The following SMAD5 variants were observed in gnomAD, a reference collection of about 807,000 sequenced individuals.
SMAD5 encodes the protein MAD, mothers against decapentaplegic homolog 5.
SMAD5 carries 9 observed loss-of-function variants against 43.1 expected under a neutral mutation model. That is an observed-to-expected ratio of 0.21 (90% confidence interval 0.13 to 0.36). SMAD5 has a LOEUF of 0.36. Among genes scored for constraint, SMAD5 ranks in the 10% least tolerant of loss-of-function variants. SMAD5 has a pLI of 1.00. For synonymous variants in SMAD5, 190 were observed against 192.4 expected (o/e 0.99, Z 0.10); for missense variants, 348 against 574.0 (o/e 0.61, Z 4.02).
chr5:136,151,521 G>A (rs370666083), intron 2 of SMAD5, among the ~76,000 whole-genome samples: 32 of 152,160 alleles, frequency 2.1e-4, no homozygotes, highest in Non-Finnish European at 4.1e-4. Context: ...AGTTAAGTGT[G>A]GTTAAATGCA....
intron 1 of SMAD5, chr5:136,134,131 A>T (rs1752791821): frequency 2.1e-5 from 3 of 143,366 alleles, no homozygotes. Flanking sequence ...TGTTTACCTT[A>T]TCTTTCTGTG....
intron 5 of SMAD5, among the ~76,000 whole-genome samples, chr5:136,163,994 C>T (rs1753912508): frequency 6.6e-6 from 1 of 152,070 alleles, no homozygotes; most frequent in African/African-American, 2.4e-5. Context: ...CCCAGCCTGG[C>T]CAATATGGTG....
At chr5:136,136,912 G>C (rs1752899771) in intron 1 of SMAD5, among the ~76,000 whole-genome samples, 1 of 152,064 alleles carries the variant, frequency 6.6e-6, no homozygotes, top group South Asian at 2.1e-4. Flanking sequence ...GGCCAGGCTG[G>C]TCTCGAACTT....
chr5:136,153,521 G>A (rs992122701), intron 2 of SMAD5, 71 bp from the exon 3 acceptor site: 24 of 346,294 alleles, frequency 6.9e-5, no homozygotes, highest in Non-Finnish European at 1.1e-4. Flanking sequence ...TATGCCTTTC[G>A]ATTATATTAA....
intron 7 of SMAD5, among the ~76,000 whole-genome samples, chr5:136,175,406 C>T (rs1234834736): frequency 1.3e-5 from 2 of 152,138 alleles, no homozygotes; most frequent in South Asian, 2.1e-4. Flanking sequence ...AAAATTATTT[C>T]ATTCCTAGCT....
At chr5:136,150,381 C>A (rs935153389) in intron 2 of SMAD5, among the ~76,000 whole-genome samples, 2 of 151,698 alleles carry the variant, frequency 1.3e-5, no homozygotes, top group Non-Finnish European at 2.9e-5. Context: ...TTTCAAGGTA[C>A]AGTTAGTAGA....
intron 3 of SMAD5, among the ~76,000 whole-genome samples, chr5:136,160,490 T>C (rs1229029179): frequency 6.6e-6 from 1 of 152,184 alleles, no homozygotes; most frequent in Non-Finnish European, 1.5e-5. Flanking sequence ...GGTATGTTTT[T>C]TTCTTACAGT....
In SMAD5 at chr5:136,153,686, C is replaced by G; in HGVS notation, c.-75C>G. 1 of 1,250,562 alleles carries G rather than the reference C, an allele frequency of 8.0e-7. No homozygotes were observed. The highest frequency in any genetic ancestry group is 1.1e-6 in the Non-Finnish European group (1 of 891,366). 77.5% of individuals were successfully genotyped at this position (1,250,562 alleles called of 1,614,324 possible). ...ACTTCTGCTTAGGACCTGTGTATGA[C>G]GTTTCACCTGTGATCTGTTCTTTCG... On this transcript the variant is annotated 5_prime_UTR_variant, in exon 3 of 8. Transcript: ENST00000545279.
At chr5:136,176,088 A>G (rs1342035777) in intron 7 of SMAD5, among the ~76,000 whole-genome samples, 1 of 152,142 alleles carries the variant, frequency 6.6e-6, no homozygotes, top group East Asian at 1.9e-4. Flanking sequence ...TTATACATGC[A>G]TGTATTGATC....
chr5:136,158,170 A>C (rs1218982858), intron 3 of SMAD5, among the ~76,000 whole-genome samples: 3 of 152,114 alleles, frequency 2.0e-5, no homozygotes, highest in Non-Finnish European at 4.4e-5. Context: ...AATATCAAAC[A>C]CTTCCCCAAA....
At position 136,155,196 on chromosome 5, in the gene SMAD5, G is replaced by A. The variant is rs115146472; in HGVS notation, c.403+1033G>A. Among the ~76,000 whole-genome samples, 1,407 of 152,142 alleles carry A rather than the reference G, an allele frequency of 9.2e-3. 12 individuals carry two copies. Among genetic ancestry groups the A allele is most frequent in the African/African-American group, 0.025 (1,035 of 41,494 alleles). ...CATACCAAATGTAATATGTCTAAGC[G>A]CAGTTTTTTTTCTCTGGTTTCCCCT... is the stretch of plus-strand genomic sequence containing the variant. On this transcript the variant is annotated intron_variant, in intron 3 of 7. Coordinates refer to ENST00000545279, the MANE Select transcript of SMAD5 (RefSeq NM_005903.7).
chr5:136,154,770 C>T (rs929177862), intron 3 of SMAD5, among the ~76,000 whole-genome samples: 10 of 152,078 alleles, frequency 6.6e-5, no homozygotes, highest in African/African-American at 1.9e-4. Context: ...TTTAACTTGT[C>T]GAGATCACTA....
intron 1 of SMAD5, among the ~76,000 whole-genome samples, chr5:136,145,513 A>G (rs975447264): frequency 2.6e-5 from 4 of 151,884 alleles, no homozygotes; most frequent in African/African-American, 9.7e-5. Flanking sequence ...ATAAGAAAGC[A>G]TTATGCCATT....
At chr5:136,161,644 A>T (rs1446293416) in intron 4 of SMAD5, among the ~76,000 whole-genome samples, 11 of 152,238 alleles carry the variant, frequency 7.2e-5, no homozygotes, top group Non-Finnish European at 4.4e-5. Flanking sequence ...CTTTAGTTAG[A>T]TAACTGATGA....
intron 3 of SMAD5, among the ~76,000 whole-genome samples, chr5:136,160,244 A>G (rs1286255806): frequency 6.6e-6 from 1 of 152,210 alleles, no homozygotes; most frequent in Non-Finnish European, 1.5e-5. Context: ...ACCGTACTGA[A>G]CAACGTAAAA....
intron 1 of SMAD5, among the ~76,000 whole-genome samples, chr5:136,140,235 C>G (rs1287434547): frequency 6.6e-6 from 1 of 152,046 alleles, no homozygotes; most frequent in Non-Finnish European, 1.5e-5. Flanking sequence ...GTTCGCCAGG[C>G]TGGTCTTGAA....
In SMAD5 at chr5:136,180,836, A is replaced by C. The variant is rs1398956379; in HGVS notation, c.*3356A>C. 6.6e-6 allele frequency: 1 copy of C among 152,100 alleles called. No individual in the cohort carries two copies. The highest frequency in any genetic ancestry group is 1.9e-4 in the East Asian group (1 of 5,190). The allele number at this position is 152,100 out of a possible 1,614,324, so 9.4% of individuals were successfully genotyped here. ...GATGTAGCTATTTTATACCTTTCAT[A>C]ACATTTGAGAGTAAGATATCCTTCA... On this transcript the variant is annotated 3_prime_UTR_variant, in exon 8 of 8. Transcript: ENST00000545279.
intron 1 of SMAD5, among the ~76,000 whole-genome samples, chr5:136,142,973 G>A (rs559677459): frequency 4.6e-5 from 7 of 152,086 alleles, no homozygotes; most frequent in Middle Eastern, 3.4e-3. Context: ...GTGGGCACCC[G>A]GTAAATTTTG....
intron 2 of SMAD5, among the ~76,000 whole-genome samples, chr5:136,151,035 T>C (rs1753438788): frequency 6.6e-6 from 1 of 152,012 alleles, no homozygotes; most frequent in African/African-American, 2.4e-5. Flanking sequence ...TTCTCTGATA[T>C]CATAGATATC....
Sources: allele counts gnomAD v4.1 joint callset (sites outside exome capture counted in the v4.1 genomes callset), GRCh38; gene constraint gnomAD v4.1.1; transcripts MANE v1.5; gene names NCBI Gene and HGNC (gene_info 2026-07-23, HGNC 2026-07-21).